The following WHRN variants were observed in gnomAD, a reference collection of about 807,000 sequenced individuals.
The protein encoded by WHRN is CASK-interacting protein CIP98.
In WHRN, 41 loss-of-function variants were observed where a neutral mutation model predicts 68.3. The observed-to-expected ratio is 0.60, with a 90% CI of 0.47 to 0.78. The LOEUF (loss-of-function observed/expected upper bound fraction) is 0.78. WHRN is among the 30% of genes least tolerant of loss of function. The pLI is 0.00. For missense variants in WHRN, 1,243 were observed against 1,244.7 expected (o/e 1.00, Z 0.02); for synonymous variants, 560 against 561.3 (o/e 1.00, Z 0.03).
chr9:114,478,381 G>C, intron 2 of WHRN, 172 bp downstream of exon 2: 1 of 752,106 alleles, frequency 1.3e-6, no homozygotes, highest in South Asian at 1.5e-5. Context: ...ACACTACACA[G>C]GTCAAAAAGA....
intron 2 of WHRN, among the ~76,000 whole-genome samples, chr9:114,476,969 G>A (rs1253402021): frequency 6.6e-6 from 1 of 152,196 alleles, no homozygotes; most frequent in Non-Finnish European, 1.5e-5. Context: ...ACACTAGACA[G>A]CTGCCCTTGA....
chr9:114,424,421 G>A lies in WHRN; in HGVS notation c.1329C>T (p.Ala443=), dbSNP rs756089219. 2 of 1,613,394 alleles carry A rather than the reference G, an allele frequency of 1.2e-6. No individual in the cohort carries two copies. Among genetic ancestry groups the A allele is most frequent in the Non-Finnish European group, 1.7e-6 (2 of 1,180,032 alleles). Residue 443 remains alanine (A), a synonymous_variant, in exon 6 of 12, where the codon GCC becomes GCT. Transcript: ENST00000362057. ...CACCACGGTACTCATCCAGGTAGTA[G>A]GCCATGGTGGCGTGTTCCTGCTCGT... ...LLNEQEHATM[A]YYLDEYRGGS...
At chr9:114,437,365 T>C (rs1255106381) in intron 3 of WHRN, among the ~76,000 whole-genome samples, 1 of 152,096 alleles carries the variant, frequency 6.6e-6, no homozygotes, top group African/African-American at 2.4e-5. Context: ...CTGACTCAAA[T>C]TCAATAAAAG....
intron 1 of WHRN, 122 bp downstream of exon 1, chr9:114,504,057 TAAAAA>T: frequency 8.6e-6 from 9 of 1,048,974 alleles, no homozygotes; most frequent in African/African-American, 1.7e-5. Context: ...TTTAAAGTAT[TAAAAA>T]AAAAAAAAAA....
At chr9:114,462,345 ACT>A (rs1330500604) in intron 3 of WHRN, among the ~76,000 whole-genome samples, 1 of 152,014 alleles carries the variant, frequency 6.6e-6, no homozygotes, top group East Asian at 1.9e-4. Flanking sequence ...TGTAAAGAGA[ACT>A]CTCTGCAACT....
In WHRN at chr9:114,419,667, G is replaced by T. The variant is rs1007073309; in HGVS notation, c.1626+3647C>A. Among the ~76,000 whole-genome samples, 5 of 152,358 alleles carry T rather than the reference G, an allele frequency of 3.3e-5. No homozygotes were observed. In the East Asian group the frequency reaches 9.6e-4, roughly 29 times the overall value. On this transcript the variant is annotated intron_variant, in intron 7 of 11. Transcript: ENST00000362057. ...CACATAGGAGAAAGTCAGGTCATAT[G>T]AAGTGGGGAGAAGAACATTCCAGAC...
intron 3 of WHRN, among the ~76,000 whole-genome samples, chr9:114,450,835 G>C (rs552769126): frequency 0.066 from 9,122 of 137,976 alleles, 691 homozygotes; most frequent in African/African-American, 0.22. Flanking sequence ...TTCCCCCCCC[G>C]CAAAAAAATA....
At chr9:114,499,770 G>A (rs1025076551) in intron 1 of WHRN, among the ~76,000 whole-genome samples, 4 of 152,240 alleles carry the variant, frequency 2.6e-5, no homozygotes, top group Non-Finnish European at 4.4e-5. Flanking sequence ...GCAACACACG[G>A]ACAATCCAAT....
intron 7 of WHRN, among the ~76,000 whole-genome samples, chr9:114,412,201 GC>G (rs1835492247): frequency 6.6e-6 from 1 of 152,232 alleles, no homozygotes; most frequent in African/African-American, 2.4e-5. Flanking sequence ...AAGTCCCCGA[GC>G]CATGTTCCTT....
At chr9:114,474,023 C>A (rs1841453743) in intron 2 of WHRN, among the ~76,000 whole-genome samples, 1 of 152,164 alleles carries the variant, frequency 6.6e-6, no homozygotes, top group South Asian at 2.1e-4. Context: ...CAGCCTCCTC[C>A]CCTGGGTCTT....
chr9:114,422,482 C>A (rs1304729356), intron 7 of WHRN, among the ~76,000 whole-genome samples: 1 of 152,150 alleles, frequency 6.6e-6, no homozygotes, highest in Non-Finnish European at 1.5e-5. Flanking sequence ...ATCCAGGGGG[C>A]AGAACCATAT....
chr9:114,477,673 G>A (rs1278601880), intron 2 of WHRN, among the ~76,000 whole-genome samples: 6 of 152,128 alleles, frequency 3.9e-5, no homozygotes, highest in African/African-American at 1.2e-4. Context: ...CACTGAGAAC[G>A]GAATGGTGGA....
intron 7 of WHRN, among the ~76,000 whole-genome samples, chr9:114,416,613 G>A (rs1026217836): frequency 6.6e-6 from 1 of 152,042 alleles, no homozygotes; most frequent in African/African-American, 2.4e-5. Context: ...TAAGTTTCCC[G>A]AGGCCTCCCC....
chr9:114,499,908 G>A (rs997131806), intron 1 of WHRN, among the ~76,000 whole-genome samples: 1 of 152,186 alleles, frequency 6.6e-6, no homozygotes, highest in Non-Finnish European at 1.5e-5. Context: ...CACTAGCGCT[G>A]GTGTGGTTCT....
Position 114,429,222 on chromosome 9 carries a change from C to T in WHRN, c.964-2809G>A, listed in dbSNP as rs555023142. Among the ~76,000 whole-genome samples, 3 of 152,294 alleles carry T rather than the reference C, an allele frequency of 2.0e-5. No homozygotes were observed. In the East Asian group the frequency reaches 5.8e-4, roughly 29 times the overall value. On this transcript the variant is annotated intron_variant, in intron 3 of 11. Transcript: ENST00000362057. ...CTGGGATTACAGGCGTGAGCCACCG[C>T]GCCCCGCCAGTGTCAGATTAATTTC... is the stretch of plus-strand genomic sequence containing the variant.
At chr9:114,412,249 C>T (rs1286517978) in intron 7 of WHRN, among the ~76,000 whole-genome samples, 6 of 152,246 alleles carry the variant, frequency 3.9e-5, no homozygotes, top group Non-Finnish European at 8.8e-5. Flanking sequence ...CGGCTAAGAA[C>T]CCGGGGGATG....
At chr9:114,493,347 T>A (rs1843151300) in intron 1 of WHRN, among the ~76,000 whole-genome samples, 1 of 104,100 alleles carries the variant, frequency 9.6e-6, no homozygotes, top group South Asian at 3.4e-4. Flanking sequence ...TAAGACCCTA[T>A]CTTTTTTTTA....
chr9:114,494,939 C>A (rs1388463321), intron 1 of WHRN, among the ~76,000 whole-genome samples: 1 of 151,510 alleles, frequency 6.6e-6, no homozygotes, highest in Non-Finnish European at 1.5e-5. Context: ...GGGGGGGGAG[C>A]GGGTTTCAGG....
At chr9:114,452,146 T>C (rs1273772367) in intron 3 of WHRN, among the ~76,000 whole-genome samples, 2 of 152,250 alleles carry the variant, frequency 1.3e-5, no homozygotes, top group Admixed American at 1.3e-4. Flanking sequence ...AATTAAAAAA[T>C]GTATCATTAC....
Sources: gnomAD v4.1 joint callset for allele counts (sites outside exome capture counted in the v4.1 genomes callset) on GRCh38, gnomAD v4.1.1 for gene constraint, MANE v1.5 for transcripts, NCBI Gene and HGNC (gene_info 2026-07-23, HGNC 2026-07-21) for gene names.